The following OXR1 variants were observed in gnomAD, a reference collection of about 807,000 sequenced individuals.
The protein encoded by OXR1 is oxidation resistance 1.
Under a neutral mutation model 104.6 loss-of-function variants are expected in OXR1, and 41 were observed. The ratio of observed to expected loss-of-function variants is 0.39; its 90% CI spans 0.31 to 0.51. The LOEUF (loss-of-function observed/expected upper bound fraction) is 0.51. Ranked by LOEUF, OXR1 falls within the 20% of genes least tolerant of loss-of-function variation. The pLI is 0.77. For missense variants in OXR1, 955 were observed against 1,031.9 expected, an observed-to-expected ratio of 0.93 and a Z score of 1.02; for synonymous variants, 348 against 348.4, an observed-to-expected ratio of 1.00 and a Z score of 0.01.
chr8:106,291,257 TGGAAACA>T (rs1812738983), intron 1 of OXR1, among the ~76,000 whole-genome samples: 1 of 151,986 alleles, frequency 6.6e-6, no homozygotes, highest in Non-Finnish European at 1.5e-5. Context: ...AACCTAAACC[TGGAAACA>T]GGAGACACTG....
rs1467205862 is a variant in OXR1 at position 106,751,506 on chromosome 8, T to A, written c.*565T>A. Reference sequence around the variant, plus strand: ...ACTACAACATTCTCTTTAACGATGTTGCAGGTATTCTCAATTTCCTTTTAA... The same window carrying A: ...ACTACAACATTCTCTTTAACGATGTAGCAGGTATTCTCAATTTCCTTTTAA... On this transcript the variant is annotated 3_prime_UTR_variant, in exon 17 of 17. Transcript: ENST00000517566. 2.0e-5 allele frequency: 3 copies of A among 152,620 alleles called. No homozygotes were observed. Among genetic ancestry groups the A allele is most frequent in the Non-Finnish European group, 4.4e-5 (3 of 68,022 alleles). The allele number at this position is 152,620 out of a possible 1,614,324, so 9.5% of individuals were successfully genotyped here.
chr8:106,707,118 A>T lies in OXR1; in HGVS notation c.1597A>T (p.Ile533Phe). 2 of 1,613,888 alleles carry T rather than the reference A, an allele frequency of 1.2e-6. No homozygotes were observed. Among genetic ancestry groups the T allele is most frequent in the Non-Finnish European group, 1.7e-6 (2 of 1,179,856 alleles). The change falls in exon 9 of 17, where the codon ATT (isoleucine) becomes TTT (phenylalanine). Residue 533 changes from isoleucine (I) to phenylalanine (F), a missense_variant. Around this residue, in one of 2 missense-constraint regions of OXR1, gnomAD observed 849 missense variants for 852.9 expected, o/e 1.00. Coordinates refer to ENST00000517566, the MANE Select transcript of OXR1 (RefSeq NM_001198533.2). ...QVSQKEAKHK[I>F]TSADGHIESS... ...GTCACAAAAAGAAGCTAAGCATAAA[A>T]TTACATCTGCTGATGGACACATAGA... is the stretch of plus-strand genomic sequence containing the variant.
intron 16 of OXR1, among the ~76,000 whole-genome samples, chr8:106,748,554 CTTTTTTTTTT>C: frequency 2.0e-5 from 1 of 48,922 alleles, no homozygotes; most frequent in South Asian, 9.1e-4. Flanking sequence ...AGTACCAACT[CTTTTTTTTTT>C]TTTTTTTTTT....
At chr8:106,396,188 C>T (rs1248024320) in intron 2 of OXR1, among the ~76,000 whole-genome samples, 1 of 152,094 alleles carries the variant, frequency 6.6e-6, no homozygotes, top group African/African-American at 2.4e-5. Flanking sequence ...TAACCCCCTC[C>T]AGGAGGTGGA....
intron 2 of OXR1, among the ~76,000 whole-genome samples, chr8:106,360,684 T>G (rs1237178918): frequency 6.6e-6 from 1 of 152,164 alleles, no homozygotes; most frequent in Non-Finnish European, 1.5e-5. Context: ...ACAAATTTCA[T>G]TTAAACTTTG....
chr8:106,379,434 C>A (rs1294052404), intron 2 of OXR1, among the ~76,000 whole-genome samples: 3 of 151,620 alleles, frequency 2.0e-5, no homozygotes, highest in African/African-American at 7.3e-5. Context: ...GCTTTTATTC[C>A]TATTTGTTGT....
At chr8:106,293,144 C>T (rs533721538) in intron 1 of OXR1, among the ~76,000 whole-genome samples, 8 of 152,180 alleles carry the variant, frequency 5.3e-5, no homozygotes, top group South Asian at 4.2e-4. Context: ...GAGAACTGGG[C>T]GATCTACTTT....
intron 1 of OXR1, among the ~76,000 whole-genome samples, chr8:106,328,592 T>A (rs1586529275): frequency 6.6e-6 from 1 of 152,168 alleles, no homozygotes; most frequent in Non-Finnish European, 1.5e-5. Flanking sequence ...TTGTTTGGGG[T>A]ATGTGAAACT....
At chr8:106,339,508 AAAAAAAAAAAAATATATATAT>A (rs1379496652) in intron 1 of OXR1, among the ~76,000 whole-genome samples, 1,441 of 48,134 alleles carry the variant, frequency 0.03, 89 homozygotes, top group Non-Finnish European at 0.037. Context: ...AAAAAAAAAA[AAAAAAAAAAAAATATATATAT>A]ATATATATAT....
chr8:106,506,537 C>T (rs1812176911), intron 2 of OXR1, among the ~76,000 whole-genome samples: 2 of 152,076 alleles, frequency 1.3e-5, no homozygotes, highest in Admixed American at 6.5e-5. Flanking sequence ...GTTGTGAACC[C>T]AGGAGGCGGA....
chr8:106,324,591 A>G (rs757045244), intron 1 of OXR1, among the ~76,000 whole-genome samples: 8 of 151,474 alleles, frequency 5.3e-5, no homozygotes, highest in Non-Finnish European at 8.8e-5. Context: ...CATGTTATGC[A>G]TCCTGTGTTA....
At chr8:106,343,605 G>A (rs1416183354) in intron 1 of OXR1, among the ~76,000 whole-genome samples, 2 of 152,122 alleles carry the variant, frequency 1.3e-5, no homozygotes, top group African/African-American at 4.8e-5. Context: ...TTGCAACTGG[G>A]CCATGTGCCT....
At chr8:106,365,830 T>C (rs1816448174) in intron 2 of OXR1, among the ~76,000 whole-genome samples, 1 of 152,202 alleles carries the variant, frequency 6.6e-6, no homozygotes, top group Admixed American at 6.5e-5. Flanking sequence ...AGTAAAACAC[T>C]ATATTTTAAT....
At chr8:106,332,734 C>T (rs1814774451) in intron 1 of OXR1, among the ~76,000 whole-genome samples, 1 of 152,004 alleles carries the variant, frequency 6.6e-6, no homozygotes, top group Admixed American at 6.6e-5. Flanking sequence ...AGAATATTTC[C>T]ATCACCTTAA....
At chr8:106,398,345 C>T (rs920642030) in intron 2 of OXR1, among the ~76,000 whole-genome samples, 7 of 152,082 alleles carry the variant, frequency 4.6e-5, no homozygotes, top group African/African-American at 1.7e-4. Flanking sequence ...TTATTTGGTA[C>T]AGAGTGCAGC....
At chr8:106,576,922 C>G (rs556136113) in intron 3 of OXR1, among the ~76,000 whole-genome samples, 1 of 152,048 alleles carries the variant, frequency 6.6e-6, no homozygotes, top group Non-Finnish European at 1.5e-5. Flanking sequence ...ATGAGAGTGG[C>G]ATGTTTATGT....
At chr8:106,388,035 G>A (rs975977511) in intron 2 of OXR1, among the ~76,000 whole-genome samples, 1 of 152,120 alleles carries the variant, frequency 6.6e-6, no homozygotes, top group Non-Finnish European at 1.5e-5. Flanking sequence ...TAAATCCCTT[G>A]GGGAAATATT....
At chr8:106,672,512 AAGAAAG>A (rs773286869) in intron 3 of OXR1, among the ~76,000 whole-genome samples, 3 of 97,298 alleles carry the variant, frequency 3.1e-5, no homozygotes, top group African/African-American at 9.3e-5. Context: ...GAGAGAAAGA[AAGAAAG>A]AGAGAGAGAG....
intron 3 of OXR1, among the ~76,000 whole-genome samples, chr8:106,549,422 A>T (rs542881524): frequency 6.6e-6 from 1 of 152,316 alleles, no homozygotes; most frequent in South Asian, 2.1e-4. Flanking sequence ...ATATTAGCAA[A>T]TATGTATGAA....
Sources: allele counts gnomAD v4.1 joint callset (sites outside exome capture counted in the v4.1 genomes callset), GRCh38; gene constraint gnomAD v4.1.1; regional missense constraint gnomAD v4.1.1; transcripts MANE v1.5; gene names NCBI Gene and HGNC (gene_info 2026-07-23, HGNC 2026-07-21).